The following ERC2 variants were observed in gnomAD, a reference collection of about 807,000 sequenced individuals.
The protein encoded by ERC2 is ELKS/RAB6-interacting/CAST family member 2, also known as ERC protein 2.
A neutral mutation model predicts 114.8 loss-of-function variants in ERC2; 42 were observed. That is an observed-to-expected ratio of 0.37 (90% CI 0.29 to 0.47). The LOEUF is 0.47. ERC2 is among the 20% of genes least tolerant of loss of function. The pLI, the probability that ERC2 is intolerant of heterozygous loss-of-function variation, is 0.99. For synonymous variants in ERC2, 454 were observed against 425.5 expected, an observed-to-expected ratio of 1.07 and a Z score of -0.82; for missense variants, 939 against 1,150.7, an observed-to-expected ratio of 0.82 and a Z score of 2.66.
At chr3:55,987,388 T>C (rs1163387243) in intron 11 of ERC2, among the ~76,000 whole-genome samples, 1 of 152,240 alleles carries the variant, frequency 6.6e-6, no homozygotes, top group African/African-American at 2.4e-5. Flanking sequence ...TTTCAAGGGC[T>C]CCCAGTTTTC....
At chr3:55,897,622 C>A (rs980659535) in intron 13 of ERC2, among the ~76,000 whole-genome samples, 1 of 152,190 alleles carries the variant, frequency 6.6e-6, no homozygotes, top group African/African-American at 2.4e-5. Context: ...CACAGAAGGT[C>A]ACCCTGAGAT....
Position 55,907,262 on chromosome 3 carries a change from A to C in ERC2, c.2404-18713T>G, listed in dbSNP as rs111837722. Among the ~76,000 whole-genome samples the C allele has an allele frequency of 4.8e-3, 727 of 152,324 alleles. 3 individuals carry two copies. Among genetic ancestry groups the C allele is most frequent in the African/African-American group, 0.016 (679 of 41,566 alleles). On this transcript the variant is annotated intron_variant, in intron 13 of 17. Transcript: ENST00000288221. ...TGGGTAGAGAAAGAATGCAAGACTTAGAGTTAAGAAAGATCCCAGTTCAAA... is the reference window on the plus strand; with the variant it reads ...TGGGTAGAGAAAGAATGCAAGACTTCGAGTTAAGAAAGATCCCAGTTCAAA...
chr3:56,382,017 G>A (rs577825146), intron 2 of ERC2, among the ~76,000 whole-genome samples: 15 of 151,952 alleles, frequency 9.9e-5, no homozygotes, highest in Non-Finnish European at 7.4e-5. Context: ...CTCCTTCAAA[G>A]CTTCAGCACC....
At chr3:55,807,171 A>T (rs2059526225) in intron 14 of ERC2, among the ~76,000 whole-genome samples, 1 of 152,182 alleles carries the variant, frequency 6.6e-6, no homozygotes, top group African/African-American at 2.4e-5. Context: ...ATAACAAACG[A>T]TACTCATCAT....
At chr3:55,808,851 T>C (rs540814010) in intron 14 of ERC2, among the ~76,000 whole-genome samples, 154 of 150,076 alleles carry the variant, frequency 1.0e-3, no homozygotes, top group African/African-American at 3.7e-3. Flanking sequence ...GAGGTAAATG[T>C]GGATCTCAAC....
chr3:55,637,248 T>A (rs1039001158), intron 17 of ERC2, among the ~76,000 whole-genome samples: 1 of 152,214 alleles, frequency 6.6e-6, no homozygotes, highest in African/African-American at 2.4e-5. Context: ...CTCATCTATG[T>A]CTAGGCAGAA....
intron 6 of ERC2, among the ~76,000 whole-genome samples, chr3:56,087,101 A>C (rs1340858556): frequency 6.6e-6 from 1 of 152,094 alleles, no homozygotes; most frequent in African/African-American, 2.4e-5. Context: ...ACTTAACCAC[A>C]TGGGAACTAG....
chr3:56,201,762 C>T (rs1030284877), intron 3 of ERC2, among the ~76,000 whole-genome samples: 1 of 152,172 alleles, frequency 6.6e-6, no homozygotes. Flanking sequence ...ATGTTGCTAT[C>T]AGCAAAGAAT....
intron 14 of ERC2, among the ~76,000 whole-genome samples, chr3:55,800,907 C>A (rs2070995998): frequency 6.6e-6 from 1 of 152,146 alleles, no homozygotes; most frequent in African/African-American, 2.4e-5. Flanking sequence ...CTGTGTCCCT[C>A]AAAAGAGGGT....
intron 5 of ERC2, 127 bp from the exon 6 acceptor site, chr3:56,139,803 T>G (rs1275432456): frequency 9.3e-7 from 1 of 1,074,736 alleles, no homozygotes; most frequent in East Asian, 2.6e-5. Context: ...AGGCCACGAA[T>G]TTGCTTAAAA....
intron 17 of ERC2, among the ~76,000 whole-genome samples, chr3:55,562,854 G>A (rs1339764741): frequency 6.6e-6 from 1 of 152,130 alleles, no homozygotes; most frequent in Non-Finnish European, 1.5e-5. Flanking sequence ...TGATATGATA[G>A]CAAATGAATG....
intron 14 of ERC2, among the ~76,000 whole-genome samples, chr3:55,857,806 C>CA (rs1421373568): frequency 6.6e-6 from 1 of 152,146 alleles, no homozygotes; most frequent in Non-Finnish European, 1.5e-5. Context: ...CATCATGAAA[C>CA]ACTCGATTTT....
At chr3:55,566,407 C>CTATT (rs113386431) in intron 17 of ERC2, among the ~76,000 whole-genome samples, 13,069 of 147,926 alleles carry the variant, frequency 0.088, 611 homozygotes, top group African/African-American at 0.12. Context: ...GCTGGTAATT[C>CTATT]TATTTATTTA....
chr3:56,462,057 T>A (rs2063340679), intron 1 of ERC2, among the ~76,000 whole-genome samples: 1 of 152,186 alleles, frequency 6.6e-6, no homozygotes, highest in African/African-American at 2.4e-5. Context: ...TTACCCTTCA[T>A]CTCTGCTACC....
At chr3:55,707,009 A>T (rs2063527297) in intron 15 of ERC2, among the ~76,000 whole-genome samples, 1 of 152,336 alleles carries the variant, frequency 6.6e-6, no homozygotes, top group Middle Eastern at 3.4e-3. Flanking sequence ...AGAGGGAAGA[A>T]TGTCTTCAGC....
chr3:56,063,728 C>A (rs978201299), intron 7 of ERC2, among the ~76,000 whole-genome samples: 1 of 152,132 alleles, frequency 6.6e-6, no homozygotes, highest in East Asian at 1.9e-4. Context: ...CTGAAGCATG[C>A]ATGTATGTAT....
chr3:56,435,085 T>A lies in ERC2; in HGVS notation c.-78A>T. 8.8e-7 allele frequency: 1 copy of A among 1,136,856 alleles called. No homozygotes were observed. Among genetic ancestry groups the A allele is most frequent in the Non-Finnish European group, 1.2e-6 (1 of 818,412 alleles). 70.4% of individuals were successfully genotyped at this position (1,136,856 alleles called of 1,614,324 possible). On this transcript the variant is annotated 5_prime_UTR_variant, in exon 2 of 18. Transcript: ENST00000288221. ...GGGTTTGAGCTAATATTTCCACGAT[T>A]GTCCAGAATTTTCACCGCATTCTTT...
intron 6 of ERC2, among the ~76,000 whole-genome samples, chr3:56,130,638 C>T (rs2080148471): frequency 6.6e-6 from 1 of 152,170 alleles, no homozygotes; most frequent in Non-Finnish European, 1.5e-5. Context: ...CCTGCACCAT[C>T]CTTTAATAGT....
chr3:55,727,348 C>T (rs879389601), intron 15 of ERC2, among the ~76,000 whole-genome samples: 5 of 151,780 alleles, frequency 3.3e-5, no homozygotes, highest in Non-Finnish European at 5.9e-5. Flanking sequence ...TAAAAAGAAG[C>T]GAAGTAAAAG....
Sources: gnomAD v4.1 joint callset for allele counts (sites outside exome capture counted in the v4.1 genomes callset) on GRCh38, gnomAD v4.1.1 for gene constraint, MANE v1.5 for transcripts, NCBI Gene and HGNC (gene_info 2026-07-23, HGNC 2026-07-21) for gene names.